The following ACCSL variants were observed in gnomAD, a reference collection of about 807,000 sequenced individuals.
The protein encoded by ACCSL is probable inactive 1-aminocyclopropane-1-carboxylate synthase-like protein 2.
Under a neutral mutation model 61.7 loss-of-function variants are expected in ACCSL, and 55 were observed. The observed-to-expected ratio is 0.89, with a 90% CI of 0.72 to 1.12. The LOEUF is 1.12. Ranked by LOEUF, ACCSL falls within the 50% of genes most tolerant of loss-of-function variation. ACCSL has a pLI of 0.00. For missense variants in ACCSL, 632 were observed against 698.0 expected, an observed-to-expected ratio of 0.91 and a Z score of 1.07; for synonymous variants, 258 against 264.3, an observed-to-expected ratio of 0.98 and a Z score of 0.23.
chr11:44,003,949 C>T, the ACCSL span, among the ~76,000 whole-genome samples: 1 of 152,208 alleles, frequency 6.6e-6, no homozygotes, highest in East Asian at 1.9e-4. Context: ...TAGCAGGGAG[C>T]TGTTCCCCCA....
the ACCSL span, among the ~76,000 whole-genome samples, chr11:43,994,103 G>T: frequency 6.6e-6 from 1 of 152,352 alleles, no homozygotes; most frequent in Non-Finnish European, 1.5e-5. Context: ...GTTGTATGGA[G>T]ATTTGTTTTT....
the ACCSL span, among the ~76,000 whole-genome samples, chr11:43,973,397 C>A: frequency 6.7e-6 from 1 of 148,832 alleles, no homozygotes; most frequent in Admixed American, 6.9e-5. Context: ...ATGCTCTGTT[C>A]TTTGGTTTTG....
the ACCSL span, among the ~76,000 whole-genome samples, chr11:43,969,987 T>A: frequency 6.7e-6 from 1 of 149,788 alleles, no homozygotes; most frequent in Non-Finnish European, 1.5e-5. Flanking sequence ...TTGTTCTGGA[T>A]TTTTTTTTTC....
chr11:43,985,252 T>C, the ACCSL span, among the ~76,000 whole-genome samples: 2 of 152,222 alleles, frequency 1.3e-5, no homozygotes, highest in South Asian at 2.1e-4. Context: ...GCAAAGTGTT[T>C]TGAGAAGGGA....
chr11:43,984,913 G>A, the ACCSL span, among the ~76,000 whole-genome samples: 5 of 152,252 alleles, frequency 3.3e-5, no homozygotes, highest in African/African-American at 1.2e-4. Context: ...GGCCACCAGA[G>A]GAGTGGCCCT....
At chr11:43,947,613 CAGAG>C in the ACCSL span, among the ~76,000 whole-genome samples, 1 of 151,990 alleles carries the variant, frequency 6.6e-6, no homozygotes, top group African/African-American at 2.4e-5. Context: ...AACTCAGTGA[CAGAG>C]AGAAGGCAAT....
At chr11:43,927,737 TC>T in the ACCSL span, among the ~76,000 whole-genome samples, 3 of 152,324 alleles carry the variant, frequency 2.0e-5, no homozygotes, top group African/African-American at 7.2e-5. Flanking sequence ...CACCAATTTA[TC>T]CACCTGCCAG....
At chr11:44,012,067 G>C in the ACCSL span, among the ~76,000 whole-genome samples, 1 of 151,978 alleles carries the variant, frequency 6.6e-6, no homozygotes, top group African/African-American at 2.4e-5. Context: ...TTTTCTGTCC[G>C]TCCTGCCAAA....
At chr11:44,023,775 A>G in the ACCSL span, among the ~76,000 whole-genome samples, 2 of 152,086 alleles carry the variant, frequency 1.3e-5, no homozygotes, top group Non-Finnish European at 2.9e-5. Context: ...TTAAAAATAT[A>G]AATGTTTATA....
In ACCSL at chr11:44,049,674, G is replaced by A. The variant is rs146114024; in HGVS notation, c.505-388G>A. Among the ~76,000 whole-genome samples the A allele has an allele frequency of 4.7e-4, 72 of 152,298 alleles. 2 individuals are homozygous for A. The East Asian group carries it at 0.014, about 29-fold the overall frequency. On this transcript the variant is annotated intron_variant, in intron 1 of 13. Transcript: ENST00000378832. ...ATTAAGGGTCCAGGCTCAGGCGTCA[G>A]GTAGGTAGAGTTCTACTTTTCACCC...
chr11:44,014,770 A>C, the ACCSL span, among the ~76,000 whole-genome samples: 1 of 152,110 alleles, frequency 6.6e-6, no homozygotes, highest in Non-Finnish European at 1.5e-5. Context: ...AGGAGGGGAG[A>C]AGGACCCACC....
At chr11:44,051,853 A>G in intron 5 of ACCSL, 134 bp downstream of exon 5, 1 of 974,126 alleles carries the variant, frequency 1.0e-6, no homozygotes, top group Non-Finnish European at 1.6e-6. Context: ...GCCTTCTCCC[A>G]CACTGACTAG....
the ACCSL span, among the ~76,000 whole-genome samples, chr11:43,972,545 C>T: frequency 6.6e-6 from 1 of 152,118 alleles, no homozygotes. Flanking sequence ...GCTTGGCTGC[C>T]CAGTCCTGCG....
the ACCSL span, among the ~76,000 whole-genome samples, chr11:44,004,071 C>G: frequency 1.3e-5 from 2 of 152,084 alleles, no homozygotes; most frequent in African/African-American, 4.8e-5. Flanking sequence ...ATCTGGGACC[C>G]TGACTGCCTA....
At chr11:44,059,261 C>A (rs1298956146) in intron 13 of ACCSL, among the ~76,000 whole-genome samples, 1 of 151,956 alleles carries the variant, frequency 6.6e-6, no homozygotes, top group Non-Finnish European at 1.5e-5. Context: ...AACAAACAAA[C>A]AAAACCCGAA....
At chr11:43,945,346 C>T in the ACCSL span, 2 of 152,318 alleles carry the variant, frequency 1.3e-5, no homozygotes, top group South Asian at 4.1e-4. Context: ...CAGCCTCATT[C>T]TCTTCTCTCT....
At chr11:44,056,357 G>A (rs1309112332) in intron 11 of ACCSL, 31 bp downstream of exon 11, 1 of 1,601,506 alleles carries the variant, frequency 6.2e-7, no homozygotes, top group Non-Finnish European at 8.5e-7. Context: ...CCAGCATGTT[G>A]GCTGGACCTC....
intron 13 of ACCSL, 88 bp downstream of exon 13, chr11:44,058,787 T>C (rs1952688730): frequency 1.4e-6 from 2 of 1,447,138 alleles, no homozygotes; most frequent in East Asian, 2.3e-5. Flanking sequence ...AAACATCCTA[T>C]AGATCTAGCC....
At chr11:43,967,500 T>C in the ACCSL span, among the ~76,000 whole-genome samples, 1 of 152,046 alleles carries the variant, frequency 6.6e-6, no homozygotes, top group South Asian at 2.1e-4. Context: ...AGTTCTCACT[T>C]CATCTCCCCC....
Sources: allele counts gnomAD v4.1 joint callset (sites outside exome capture counted in the v4.1 genomes callset), GRCh38; gene constraint gnomAD v4.1.1; transcripts MANE v1.5; gene names NCBI Gene and HGNC (gene_info 2026-07-23, HGNC 2026-07-21).